GORAB: variants seen among roughly 807,000 people sequenced by gnomAD.
The protein encoded by GORAB is golgin, RAB6 interacting.
GORAB carries 17 observed loss-of-function variants against 29.9 expected under a neutral mutation model. The observed-to-expected ratio is 0.57, with a 90% CI of 0.39 to 0.85. GORAB has a LOEUF of 0.85. Among genes scored for constraint, GORAB ranks in the 40% least tolerant of loss-of-function variants. The pLI is 0.00. For synonymous variants in GORAB, 183 were observed against 157.2 expected (o/e 1.16, Z -1.23); for missense variants, 442 against 437.8 (o/e 1.01, Z -0.09).
Position 170,539,343 on chromosome 1 carries a change from G to C in GORAB, c.195G>C (p.Leu65=). 6.2e-7 allele frequency: 1 copy of C among 1,614,182 alleles called. No homozygotes were observed. Among genetic ancestry groups the C allele is most frequent in the East Asian group, 2.2e-5 (1 of 44,880 alleles). The change falls in exon 2 of 5, where the codon CTG becomes CTC. Residue 65 remains leucine (L), a synonymous_variant. Coordinates refer to ENST00000367763, the MANE Select transcript of GORAB (RefSeq NM_152281.3). The stretch of plus-strand genomic sequence containing the variant: ...CAACCTCATTACTTCCAGAGCAGCT[G>C]CTTTCAGCACCAAAACAGAGAGTTA... ...DGSTSLLPEQ[L]LSAPKQRVNV...
chr1:170,545,814 T>A (rs1649722162), intron 4 of GORAB: 1 of 887,930 alleles, frequency 1.1e-6, no homozygotes, highest in African/African-American at 1.8e-5. Context: ...TCCTTGTGAC[T>A]TTTGTAATTG....
At chr1:170,543,842 C>T (rs1223405162) in intron 3 of GORAB, among the ~76,000 whole-genome samples, 1 of 151,960 alleles carries the variant, frequency 6.6e-6, no homozygotes, top group Non-Finnish European at 1.5e-5. Context: ...AATAAATGGA[C>T]AATGAAGTAC....
chr1:170,534,305 G>A (rs1373525748), intron 1 of GORAB, among the ~76,000 whole-genome samples: 1 of 152,184 alleles, frequency 6.6e-6, no homozygotes, highest in African/African-American at 2.4e-5. Context: ...ACACAAGTTT[G>A]AACTGTGATG....
chr1:170,532,382 G>C, intron 1 of GORAB, 98 bp downstream of exon 1: 1 of 1,293,958 alleles, frequency 7.7e-7, no homozygotes, highest in Non-Finnish European at 1.1e-6. Context: ...AAGCGGCTAC[G>C]TTTGTGTTAG....
In GORAB at chr1:170,539,548, G is replaced by A; in HGVS notation, c.400G>A (p.Glu134Lys). Residue 134 changes from glutamate to lysine, a missense_variant, in exon 2 of 5, where the codon GAG becomes AAG. By Grantham distance (56) the Glu-to-Lys change is moderately conservative (BLOSUM62 1). Transcript: ENST00000367763. ...ILPPKPDCKLEKKKVELQEKS... is the reference protein window; with the variant it reads ...ILPPKPDCKLKKKKVELQEKS... Reference sequence around the variant, plus strand: ...ACCTCCAAAGCCAGATTGCAAATTGGAGAAAAAGAAAGTGGAATTGTTAGT... The same window carrying A: ...ACCTCCAAAGCCAGATTGCAAATTGAAGAAAAAGAAAGTGGAATTGTTAGT... 1 of 1,613,950 alleles carries A rather than the reference G, an allele frequency of 6.2e-7. No individual in the cohort carries two copies. The highest frequency in any genetic ancestry group is 2.2e-5 in the East Asian group (1 of 44,876).
At chr1:170,540,455 T>G (rs915982855) in intron 2 of GORAB, among the ~76,000 whole-genome samples, 2 of 152,170 alleles carry the variant, frequency 1.3e-5, no homozygotes, top group African/African-American at 4.8e-5. Flanking sequence ...CTTTTTTTTT[T>G]TCTAATCTCT....
intron 4 of GORAB, among the ~76,000 whole-genome samples, chr1:170,551,524 T>A (rs1180908365): frequency 2.0e-5 from 3 of 152,216 alleles, no homozygotes; most frequent in Non-Finnish European, 4.4e-5. Context: ...CTTGTCTGTC[T>A]TCTCATAAAT....
rs749619651 is a variant in GORAB, at chr1:170,553,495, A to G, written c.*1033A>G. The G allele has an allele frequency of 7.0e-6, 3 of 430,296 alleles. No individual in the cohort carries two copies. Among genetic ancestry groups the G allele is most frequent in the African/African-American group, 6.2e-5 (3 of 48,360 alleles). 26.7% of individuals were successfully genotyped at this position (430,296 alleles called of 1,614,324 possible). A position where few individuals can be genotyped will look rare whatever the true frequency, so the allele number is the denominator to read the frequency against. On this transcript the variant is annotated 3_prime_UTR_variant, in exon 5 of 5. Coordinates refer to ENST00000367763, the MANE Select transcript of GORAB (RefSeq NM_152281.3). ...TTATTTATCAGAAATTCCAAAAAGT[A>G]AAAATATTACCTTTGAGGACTTTTT...
intron 1 of GORAB, chr1:170,532,531 G>A: frequency 2.0e-6 from 1 of 493,672 alleles, no homozygotes; most frequent in East Asian, 3.9e-5. Context: ...GTAGGGATTT[G>A]ACTCTTGTGA....
chr1:170,532,259 A>G lies in GORAB; in HGVS notation c.36A>G (p.Glu12=). ...AQGWAGFSEE[E]LRRLKQTKDP... is the part of the protein sequence containing the mutation. The stretch of plus-strand genomic sequence containing the variant: ...GTTGGGCAGGATTCTCTGAGGAGGA[A>G]CTGAGGAGACTAAAGCAGACTAAAG... Residue 12 remains glutamate, a synonymous_variant, in exon 1 of 5, where the codon GAA becomes GAG. Transcript: ENST00000367763. 6.2e-7 allele frequency: 1 copy of G among 1,614,120 alleles called. No individual in the cohort carries two copies. Among genetic ancestry groups the G allele is most frequent in the Non-Finnish European group, 8.5e-7 (1 of 1,179,996 alleles).
chr1:170,545,110 C>T, intron 4 of GORAB: 1 of 1,124,724 alleles, frequency 8.9e-7, no homozygotes, highest in Non-Finnish European at 1.1e-6. Flanking sequence ...GCTGCGAAAC[C>T]CTCAGCTATT....
At chr1:170,539,640 A>G (rs549076295) in intron 2 of GORAB, 73 bp downstream of exon 2, 1 of 1,476,456 alleles carries the variant, frequency 6.8e-7, no homozygotes, top group South Asian at 1.2e-5. Context: ...CTTTAAGGAA[A>G]TATAATTTGT....
intron 1 of GORAB, among the ~76,000 whole-genome samples, chr1:170,537,147 CTTT>C (rs1016022221): frequency 6.6e-6 from 1 of 151,224 alleles, no homozygotes; most frequent in African/African-American, 2.4e-5. Flanking sequence ...TTTCTTTCTT[CTTT>C]GTCTCTCTTT....
chr1:170,545,138 T>C (rs1649678495), intron 4 of GORAB: 4 of 1,067,268 alleles, frequency 3.7e-6, no homozygotes, highest in Non-Finnish European at 3.4e-6. Context: ...TGGAAGTGTT[T>C]TTGCTCATCT....
In GORAB at chr1:170,539,496, T is replaced by C. The variant is rs577697246; in HGVS notation, c.348T>C (p.His116=). 2.5e-6 allele frequency: 4 copies of C among 1,614,032 alleles called. No individual in the cohort carries two copies. The highest frequency in any genetic ancestry group is 3.3e-5 in the Admixed American group (2 of 60,018). ...AGGAACTGGGACTTGAGAATTCCCA[T>C]GATGGTCACAACAATGTTGAGATTC... ...QPKELGLENS[H]DGHNNVEILP... Residue 116 remains histidine (H), a synonymous_variant, in exon 2 of 5, where the codon CAT becomes CAC. Coordinates refer to ENST00000367763, the MANE Select transcript of GORAB (RefSeq NM_152281.3).
rs41272497 is a variant in GORAB, at chr1:170,545,500, A to T, written c.662+655A>T. On this transcript the variant is annotated intron_variant, in intron 4 of 4. Transcript: ENST00000367763. ...GAGTATTTTTAAAATGAACTAACAC[A>T]TGTAATGAATTACATGGACTTTGCA... The T allele has an allele frequency of 8.9e-3, 8,763 of 984,320 alleles. 27 individuals are homozygous for T. Among genetic ancestry groups the T allele is most frequent in the Non-Finnish European group, 9.9e-3 (8,228 of 828,908 alleles). 61.0% of individuals were successfully genotyped at this position (984,320 alleles called of 1,614,324 possible). A position where few individuals can be genotyped will look rare whatever the true frequency, so the allele number is the denominator to read the frequency against.
chr1:170,542,527 A>T lies in GORAB; in HGVS notation c.456A>T (p.Glu152Asp). 8 of 1,613,908 alleles carry T rather than the reference A, an allele frequency of 5.0e-6. No homozygotes were observed. Among genetic ancestry groups the T allele is most frequent in the Non-Finnish European group, 5.9e-6 (7 of 1,179,838 alleles). The change falls in exon 3 of 5, where the codon GAA becomes GAT. Residue 152 changes from glutamate (E) to aspartate (D), a missense_variant. Transcript: ENST00000367763. ...EKSRWEVLQQ[E>D]QRLMEEKNKR... Reference sequence around the variant, plus strand: ...CTCGTTGGGAAGTCCTCCAACAAGAACAACGGCTAATGGAAGAGAAAAATA... The same window carrying T: ...CTCGTTGGGAAGTCCTCCAACAAGATCAACGGCTAATGGAAGAGAAAAATA...
At chr1:170,537,168 C>T (rs1649114005) in intron 1 of GORAB, among the ~76,000 whole-genome samples, 1 of 151,772 alleles carries the variant, frequency 6.6e-6, no homozygotes, top group South Asian at 2.1e-4. Flanking sequence ...TTTCTTTTAT[C>T]CAATCTTTAC....
intron 1 of GORAB, 135 bp from the exon 2 acceptor site, chr1:170,539,075 A>G: frequency 9.4e-7 from 1 of 1,059,580 alleles, no homozygotes; most frequent in Non-Finnish European, 1.4e-6. Flanking sequence ...TTTCCCCTAG[A>G]CTTTCAAGAT....
Sources: allele counts gnomAD v4.1 joint callset (sites outside exome capture counted in the v4.1 genomes callset), GRCh38; gene constraint gnomAD v4.1.1; transcripts MANE v1.5; gene names NCBI Gene and HGNC (gene_info 2026-07-23, HGNC 2026-07-21).